The following NTRK3 variants were observed in gnomAD, a reference collection of about 807,000 sequenced individuals.
The protein encoded by NTRK3 is NT-3 growth factor receptor.
NTRK3 carries 24 observed loss-of-function variants against 91.7 expected under a neutral mutation model. That is an observed-to-expected ratio of 0.26 (90% CI 0.19 to 0.37). The LOEUF (loss-of-function observed/expected upper bound fraction) is 0.37. NTRK3 is among the 10% of genes least tolerant of loss of function. The pLI is 1.00. For synonymous variants in NTRK3, 483 were observed against 404.0 expected (o/e 1.20, Z -2.34); for missense variants, 880 against 1,068.9 (o/e 0.82, Z 2.46).
intron 14 of NTRK3, among the ~76,000 whole-genome samples, chr15:88,024,689 TCAGCATGGAAAC>T (rs2077876882): frequency 6.6e-6 from 1 of 152,150 alleles, no homozygotes; most frequent in South Asian, 2.1e-4. Flanking sequence ...AAAAATGGAT[TCAGCATGGAAAC>T]CAGCTTGAAA....
At chr15:88,139,307 T>G (rs547239266) in intron 6 of NTRK3, among the ~76,000 whole-genome samples, 1 of 152,326 alleles carries the variant, frequency 6.6e-6, no homozygotes, top group African/African-American at 2.4e-5. Context: ...TCTGAATGCC[T>G]GGATCATTAG....
At position 88,023,849 on chromosome 15, in the gene NTRK3, G is replaced by C. The variant is rs367897470; in HGVS notation, c.1585+9008C>G. 6.0e-4 allele frequency among the ~76,000 whole-genome samples: 92 copies of C among 152,298 alleles called. 1 individual carries two copies. Among genetic ancestry groups the C allele is most frequent in the African/African-American group, 1.9e-3 (77 of 41,556 alleles). ...AGAAAGAACTAGAAAGACTTTTTCT[G>C]CAGGAGTAGCAGCTGCTGCTGTTGC... On this transcript the variant is annotated intron_variant, in intron 14 of 18. Transcript: ENST00000394480.
At chr15:87,970,812 G>C (rs1234922875) in intron 14 of NTRK3, among the ~76,000 whole-genome samples, 1 of 152,178 alleles carries the variant, frequency 6.6e-6, no homozygotes, top group Non-Finnish European at 1.5e-5. Context: ...ACTGGAGGAA[G>C]AGAAAAAGAT....
At chr15:87,937,712 A>G (rs1296250007) in intron 15 of NTRK3, among the ~76,000 whole-genome samples, 7 of 152,178 alleles carry the variant, frequency 4.6e-5, no homozygotes, top group Admixed American at 4.6e-4. Flanking sequence ...AAATAAGTAA[A>G]TGCTCAAAAG....
intron 13 of NTRK3, among the ~76,000 whole-genome samples, chr15:88,045,743 C>T (rs917402515): frequency 2.6e-5 from 4 of 152,232 alleles, no homozygotes. Flanking sequence ...GCTGCCAATC[C>T]TTGTCATTCC....
chr15:87,880,494 C>T (rs1285075330), intron 17 of NTRK3, 66 bp from the exon 19 acceptor site: 4 of 1,530,634 alleles, frequency 2.6e-6, no homozygotes, highest in Admixed American at 1.8e-5. Context: ...TATCTGTCTG[C>T]ACTCTTCACA....
intron 17 of NTRK3, among the ~76,000 whole-genome samples, chr15:87,886,676 C>CTACATATA (rs1555429880): frequency 7.9e-5 from 8 of 101,194 alleles, no homozygotes; most frequent in South Asian, 3.2e-4. Flanking sequence ...CCACTTTTTG[C>CTACATATA]TATATATATA....
exon 19 of NTRK3, chr15:87,877,065 T>C (rs1448022042): frequency 1.1e-5 from 17 of 1,614,076 alleles, no homozygotes; most frequent in Non-Finnish European, 1.4e-5. Flanking sequence ...GTACACCTCT[T>C]TGGGGCAGAC....
chr15:88,039,627 G>A (rs1451860681), intron 13 of NTRK3, among the ~76,000 whole-genome samples: 1 of 152,170 alleles, frequency 6.6e-6, no homozygotes, highest in Non-Finnish European at 1.5e-5. Flanking sequence ...TGGGATTCAG[G>A]TTCCCAGATG....
exon 19 of NTRK3, chr15:87,866,384 A>T (rs2064678164): frequency 1.1e-5 from 2 of 176,872 alleles, no homozygotes; most frequent in African/African-American, 4.8e-5. Flanking sequence ...AACAATATGG[A>T]ACTATCCCCA....
chr15:88,083,823 T>A (rs141652923), intron 13 of NTRK3, among the ~76,000 whole-genome samples: 4 of 152,120 alleles, frequency 2.6e-5, no homozygotes, highest in African/African-American at 9.7e-5. Context: ...ACCTAAGACT[T>A]GTAGTAACTT....
chr15:87,998,372 C>T (rs1468657083), intron 14 of NTRK3, among the ~76,000 whole-genome samples: 1 of 152,236 alleles, frequency 6.6e-6, no homozygotes. Flanking sequence ...CTGAGAATGT[C>T]ATAGCTGCCT....
chr15:88,156,230 G>A (rs2043887025), intron 5 of NTRK3, among the ~76,000 whole-genome samples: 1 of 152,200 alleles, frequency 6.6e-6, no homozygotes, highest in African/African-American at 2.4e-5. Context: ...CATCCTCTCA[G>A]GCTGGAGCTC....
At chr15:88,148,066 A>G (rs925842893) in intron 5 of NTRK3, among the ~76,000 whole-genome samples, 4 of 152,262 alleles carry the variant, frequency 2.6e-5, no homozygotes, top group Non-Finnish European at 4.4e-5. Flanking sequence ...GGCAGCAGTT[A>G]GACACTGCTA....
chr15:88,054,552 CAGTT>C (rs1234052630), intron 13 of NTRK3, among the ~76,000 whole-genome samples: 2 of 152,152 alleles, frequency 1.3e-5, no homozygotes, highest in Non-Finnish European at 2.9e-5. Flanking sequence ...TACAATTAGA[CAGTT>C]AGAATTAATT....
At chr15:87,929,463 G>C (rs746457763) in intron 16 of NTRK3, 29 bp from the exon 17 acceptor site, 1 of 1,611,668 alleles carries the variant, frequency 6.2e-7, no homozygotes, top group Admixed American at 1.7e-5. Flanking sequence ...AAGAGAGGGG[G>C]CAGAGAGAAA....
intron 17 of NTRK3, among the ~76,000 whole-genome samples, chr15:87,923,080 G>T (rs1285582921): frequency 1.3e-5 from 2 of 152,186 alleles, no homozygotes; most frequent in African/African-American, 4.8e-5. Context: ...AGTAAGAATG[G>T]CTTGGCCTAT....
At chr15:88,165,142 C>A (rs551801766) in intron 5 of NTRK3, among the ~76,000 whole-genome samples, 1 of 152,246 alleles carries the variant, frequency 6.6e-6, no homozygotes, top group Non-Finnish European at 1.5e-5. Flanking sequence ...CAAGCGGGAA[C>A]AGAACAGAGT....
intron 13 of NTRK3, among the ~76,000 whole-genome samples, chr15:88,043,901 A>G (rs761076251): frequency 1.6e-4 from 25 of 152,182 alleles, no homozygotes; most frequent in Non-Finnish European, 2.6e-4. Flanking sequence ...TGGGTCTCAT[A>G]CACTGCAATA....
Sources: allele counts gnomAD v4.1 joint callset (sites outside exome capture counted in the v4.1 genomes callset), GRCh38; gene constraint gnomAD v4.1.1; transcripts MANE v1.5; gene names NCBI Gene and HGNC (gene_info 2026-07-23, HGNC 2026-07-21).